DHDH: variants seen among roughly 807,000 people sequenced by gnomAD.
DHDH encodes trans-1,2-dihydrobenzene-1,2-diol dehydrogenase.
A neutral mutation model predicts 33.2 loss-of-function variants in DHDH; 29 were observed. The ratio of observed to expected loss-of-function variants is 0.87; its 90% CI spans 0.65 to 1.19. The LOEUF (loss-of-function observed/expected upper bound fraction) is 1.19, where lower values mean the gene tolerates loss of function less well. Ranked by LOEUF, DHDH falls within the 50% of genes most tolerant of loss-of-function variation. The probability of loss-of-function intolerance (pLI) is 0.00; values close to 1 mark genes in which losing one functional copy is unlikely to be tolerated. For missense variants in DHDH, 431 were observed against 455.0 expected (o/e 0.95, Z 0.48); for synonymous variants, 201 against 187.9 (o/e 1.07, Z -0.57).
At chr19:48,939,788 A>G in intron 4 of DHDH, 87 bp downstream of exon 4, 1 of 1,494,084 alleles carries the variant, frequency 6.7e-7, no homozygotes, top group African/African-American at 1.4e-5. Context: ...CTCCAAGTCA[A>G]TGAGAATTAG....
intron 4 of DHDH, among the ~76,000 whole-genome samples, chr19:48,941,489 C>A (rs1424157910): frequency 2.0e-5 from 3 of 152,094 alleles, no homozygotes; most frequent in Non-Finnish European, 2.9e-5. Context: ...TCAAGCGATT[C>A]TCCTCCGTAA....
intron 4 of DHDH, among the ~76,000 whole-genome samples, chr19:48,941,772 C>G (rs996233990): frequency 6.6e-6 from 1 of 151,166 alleles, no homozygotes; most frequent in Non-Finnish European, 1.5e-5. Context: ...CTCCCAGGCT[C>G]CAGGGATCCT....
Position 48,935,093 on chromosome 19 carries a change from G to A in DHDH, c.184G>A (p.Ala62Thr), listed in dbSNP as rs1423881817. ...GGCCTACGGCTCCTATGAGGAGCTG[G>A]CCAAGGACCCGAGCGTGGGTGAGTG... ...PKAYGSYEEL[A>T]KDPSVEVAYI... The change falls in exon 2 of 7, where the codon GCC becomes ACC. Residue 62 changes from alanine to threonine, a missense_variant. Ala to Thr is a moderately conservative substitution (Grantham distance 58). Transcript: ENST00000221403. 6.3e-7 allele frequency: 1 copy of A among 1,580,950 alleles called. No individual in the cohort carries two copies. Among genetic ancestry groups the A allele is most frequent in the Admixed American group, 1.8e-5 (1 of 55,518 alleles).
At chr19:48,938,319 A>T (rs1600085524) in intron 3 of DHDH, among the ~76,000 whole-genome samples, 1 of 151,952 alleles carries the variant, frequency 6.6e-6, no homozygotes, top group Non-Finnish European at 1.5e-5. Context: ...CTGGTCTGGA[A>T]CTTCTGACCT....
intron 2 of DHDH, 147 bp downstream of exon 2, chr19:48,935,258 G>A (rs2037755708): frequency 1.7e-6 from 1 of 602,426 alleles, no homozygotes; most frequent in Non-Finnish European, 2.6e-6. Flanking sequence ...ACTATAAAAC[G>A]GGCTTGGTCT....
rs1320031316 is a variant in DHDH at position 48,943,578 on chromosome 19, C to A, written c.745-779C>A. 2.0e-5 allele frequency among the ~76,000 whole-genome samples: 3 copies of A among 152,000 alleles called. No individual in the cohort carries two copies. The East Asian group carries it at 5.8e-4, about 29-fold the overall frequency. On this transcript the variant is annotated intron_variant, in intron 5 of 6. Coordinates refer to ENST00000221403, the MANE Select transcript of DHDH (RefSeq NM_014475.4). Reference sequence around the variant, plus strand: ...CGGTGGCTCACACCTGTAATCCCAGCACTTTGGCAGCCCAGAGCGGGTGGA... The same window carrying A: ...CGGTGGCTCACACCTGTAATCCCAGAACTTTGGCAGCCCAGAGCGGGTGGA...
chr19:48,937,811 T>TA (rs539240060), intron 3 of DHDH, among the ~76,000 whole-genome samples: 8,448 of 126,816 alleles, frequency 0.067, 310 homozygotes, highest in Admixed American at 0.09. Flanking sequence ...AGACTGTCTT[T>TA]AAAAAAAAAA....
At chr19:48,935,530 T>C (rs2037759697) in intron 2 of DHDH, among the ~76,000 whole-genome samples, 1 of 130,058 alleles carries the variant, frequency 7.7e-6, no homozygotes, top group Admixed American at 8.1e-5. Flanking sequence ...TAGAAATAAA[T>C]AAATAGGCCG....
chr19:48,943,655 G>C (rs184012110), intron 5 of DHDH, among the ~76,000 whole-genome samples: 19 of 152,082 alleles, frequency 1.2e-4, no homozygotes, highest in Non-Finnish European at 2.5e-4. Context: ...ATGAAACCCT[G>C]TCTCTACTAA....
chr19:48,940,713 T>C (rs926817398), intron 4 of DHDH, among the ~76,000 whole-genome samples: 5 of 152,052 alleles, frequency 3.3e-5, no homozygotes, highest in Admixed American at 3.3e-4. Flanking sequence ...AAAAATTAGT[T>C]GGGCGTGGTG....
rs749613969 is a variant in DHDH at position 48,944,341 on chromosome 19, T to C, written c.745-16T>C. 2 of 1,613,106 alleles carry C rather than the reference T, an allele frequency of 1.2e-6. No homozygotes were observed. The highest frequency in any genetic ancestry group is 3.3e-5 in the Admixed American group (2 of 60,000). Reference sequence around the variant, plus strand: ...CGTTGGTGAAGGCAGCAGTGCCACTTCTTCTCTCCCTCCAGCTCCTCAACC... The same window carrying C: ...CGTTGGTGAAGGCAGCAGTGCCACTCCTTCTCTCCCTCCAGCTCCTCAACC... On this transcript the variant is annotated splice_polypyrimidine_tract_variant and intron_variant, in intron 5 of 6. Coordinates refer to ENST00000221403, the MANE Select transcript of DHDH (RefSeq NM_014475.4).
chr19:48,942,560 T>C lies in DHDH; in HGVS notation c.740T>C (p.Val247Ala), dbSNP rs11666105. ...TASVSGTKGM[V>A]QLLNPCWCPT... ...TCCGTGAGCGGCACCAAGGGCATGG[T>C]ACAGGTGAGGCATGGCGGGCCCAAG... The change falls in exon 5 of 7, where the codon GTA (valine) becomes GCA (alanine). Residue 247 changes from valine (V) to alanine (A), a missense_variant. Coordinates refer to ENST00000221403, the MANE Select transcript of DHDH (RefSeq NM_014475.4). The C allele has an allele frequency of 0.22, 361,292 of 1,612,318 alleles. 53,160 individuals carry two copies. Among genetic ancestry groups the C allele is most frequent in the African/African-American group, 0.64 (48,019 of 74,900 alleles).
intron 3 of DHDH, 84 bp from the exon 4 acceptor site, chr19:48,939,365 G>A (rs906651590): frequency 4.1e-6 from 6 of 1,481,228 alleles, no homozygotes; most frequent in Non-Finnish European, 5.5e-6. Context: ...TTTGGAGACT[G>A]GGTTGCAGTG....
chr19:48,944,942 C>G lies in DHDH; in HGVS notation c.*9C>G, dbSNP rs368471792. ...CCCAAGACAAACGCTGATGTATCCC[C>G]GAATAAATAAAGACATCTTACATCT... is the stretch of plus-strand genomic sequence containing the variant. On this transcript the variant is annotated 3_prime_UTR_variant, in exon 7 of 7. Coordinates refer to ENST00000221403, the MANE Select transcript of DHDH (RefSeq NM_014475.4). The G allele has an allele frequency of 1.9e-6, 3 of 1,610,232 alleles. No homozygotes were observed. The highest frequency in any genetic ancestry group is 2.2e-5 in the South Asian group (2 of 90,972).
chr19:48,935,957 G>C (rs2037766816), intron 2 of DHDH, 75 bp from the exon 3 acceptor site: 1 of 1,538,778 alleles, frequency 6.5e-7, no homozygotes, highest in Non-Finnish European at 8.8e-7. Flanking sequence ...CTAGGGCGGG[G>C]CCTCGAAGTT....
chr19:48,934,817 G>C (rs1369489679), intron 1 of DHDH, among the ~76,000 whole-genome samples, 183 bp from the exon 2 acceptor site: 2 of 152,104 alleles, frequency 1.3e-5, no homozygotes, highest in Non-Finnish European at 2.9e-5. Context: ...CAATATTGGG[G>C]GATTTAATAA....
rs1600083972 is a variant in DHDH at position 48,937,016 on chromosome 19, G to T, written c.366+821G>T. Among the ~76,000 whole-genome samples, 4 of 151,960 alleles carry T rather than the reference G, an allele frequency of 2.6e-5. No individual in the cohort carries two copies. The East Asian group carries it at 8.0e-4, about 30-fold the overall frequency. The stretch of plus-strand genomic sequence containing the variant: ...CCAGGCTGGTCTCAAACTCATGACT[G>T]CAAGTGATCCTCCTGCCGCGGCCTC... On this transcript the variant is annotated intron_variant, in intron 3 of 6. Transcript: ENST00000221403.
intron 3 of DHDH, among the ~76,000 whole-genome samples, chr19:48,938,602 A>AGTCATATT (rs1276955789): frequency 6.6e-6 from 1 of 151,350 alleles, no homozygotes; most frequent in African/African-American, 2.4e-5. Context: ...TAAGGACACC[A>AGTCATATT]GTCATATTGT....
At chr19:48,935,733 C>T (rs1009678417) in intron 2 of DHDH, among the ~76,000 whole-genome samples, 1 of 151,524 alleles carries the variant, frequency 6.6e-6, no homozygotes, top group East Asian at 1.9e-4. Flanking sequence ...AGGAGAATGG[C>T]GTGAACCTGG....
Sources: gnomAD v4.1 joint callset for allele counts (sites outside exome capture counted in the v4.1 genomes callset) on GRCh38, gnomAD v4.1.1 for gene constraint, MANE v1.5 for transcripts, NCBI Gene and HGNC (gene_info 2026-07-23, HGNC 2026-07-21) for gene names.